MECOM: variants seen among roughly 807,000 people sequenced by gnomAD.
MECOM encodes histone-lysine N-methyltransferase MECOM.
A neutral mutation model predicts 116.3 loss-of-function variants in MECOM; 13 were observed. The observed-to-expected ratio is 0.11, with a 90% CI of 0.07 to 0.18. MECOM has a LOEUF of 0.18. MECOM is among the 10% of genes least tolerant of loss of function. The pLI is 1.00. For missense variants in MECOM, 1,299 were observed against 1,509.0 expected (o/e 0.86, Z 2.31); for synonymous variants, 528 against 535.2 (o/e 0.99, Z 0.19).
At chr3:169,576,944 C>G (rs1245633015) in intron 1 of MECOM, among the ~76,000 whole-genome samples, 3 of 151,964 alleles carry the variant, frequency 2.0e-5, no homozygotes, top group African/African-American at 7.3e-5. Context: ...GTAGACATAG[C>G]ACTGGCCGGG....
intron 2 of MECOM, among the ~76,000 whole-genome samples, chr3:169,248,730 G>A (rs1470328585): frequency 6.6e-6 from 1 of 152,138 alleles, no homozygotes; most frequent in East Asian, 1.9e-4. Flanking sequence ...CTTCTAAGAA[G>A]AGAAATGTTG....
chr3:169,535,276 G>A (rs1759210300), intron 1 of MECOM, among the ~76,000 whole-genome samples: 1 of 152,034 alleles, frequency 6.6e-6, no homozygotes, highest in African/African-American at 2.4e-5. Context: ...CAATCCTCTT[G>A]ACCAGAAACA....
intron 1 of MECOM, among the ~76,000 whole-genome samples, chr3:169,589,965 A>G (rs1766211994): frequency 6.6e-6 from 1 of 152,204 alleles, no homozygotes; most frequent in South Asian, 2.1e-4. Flanking sequence ...AAATTCAGGC[A>G]TTCTGTCTTC....
intron 2 of MECOM, among the ~76,000 whole-genome samples, chr3:169,203,012 T>A (rs1000048344): frequency 1.3e-5 from 2 of 152,096 alleles, no homozygotes; most frequent in African/African-American, 2.4e-5. Flanking sequence ...AACATAGCCA[T>A]CATCCTGCCA....
chr3:169,229,008 T>C (rs1160459094), intron 2 of MECOM, among the ~76,000 whole-genome samples: 1 of 152,190 alleles, frequency 6.6e-6, no homozygotes, highest in Admixed American at 6.5e-5. Flanking sequence ...AAACACTTGA[T>C]AAAATAATGC....
chr3:169,393,517 CT>C (rs1197262021), intron 1 of MECOM, among the ~76,000 whole-genome samples: 1 of 152,056 alleles, frequency 6.6e-6, no homozygotes, highest in Non-Finnish European at 1.5e-5. Context: ...CATCAAGGTG[CT>C]TTGTAAAAAA....
intron 1 of MECOM, among the ~76,000 whole-genome samples, chr3:169,518,544 C>CAT (rs1329356380): frequency 6.6e-6 from 1 of 152,130 alleles, no homozygotes; most frequent in Non-Finnish European, 1.5e-5. Context: ...TTCAAAGCTT[C>CAT]ATATATATAA....
At chr3:169,594,159 A>AG (rs1766804484) in intron 1 of MECOM, among the ~76,000 whole-genome samples, 1 of 140,750 alleles carries the variant, frequency 7.1e-6, no homozygotes. Context: ...CACCACAAAA[A>AG]AAAAAAAAAA....
In MECOM at chr3:169,107,921, C is replaced by T. The variant is rs1198709303; in HGVS notation, c.2604+5G>A. The T allele has an allele frequency of 6.2e-7, 1 of 1,611,666 alleles. No homozygotes were observed. The highest frequency in any genetic ancestry group is 1.1e-5 in the South Asian group (1 of 90,508). ...TTTAGTCAAAAATATAAGTAGGAAA[C>T]TTACCCAAGTTCTCTGATCAGGCAG... On this transcript the variant is annotated splice_donor_5th_base_variant and intron_variant, in intron 10 of 16. Coordinates refer to ENST00000651503, the MANE Select transcript of MECOM (RefSeq NM_004991.4).
rs113303770 is a variant in MECOM, at chr3:169,471,763, C to T, written c.38-90239G>A. 5.6e-3 allele frequency among the ~76,000 whole-genome samples: 858 copies of T among 152,318 alleles called. 12 individuals are homozygous for T. The highest frequency in any genetic ancestry group is 0.02 in the African/African-American group (833 of 41,574). On this transcript the variant is annotated intron_variant, in intron 1 of 16. Coordinates refer to ENST00000651503, the MANE Select transcript of MECOM (RefSeq NM_004991.4). Reference sequence around the variant, plus strand: ...TGTATAATTTTGGAGGCAAACAAAGCACTTCCATGTCGTTTCCCTCTTCTG... The same window carrying T: ...TGTATAATTTTGGAGGCAAACAAAGTACTTCCATGTCGTTTCCCTCTTCTG...
chr3:169,551,777 T>G (rs1761431441), intron 1 of MECOM, among the ~76,000 whole-genome samples: 2 of 152,164 alleles, frequency 1.3e-5, no homozygotes, highest in Non-Finnish European at 2.9e-5. Flanking sequence ...CACTATTATT[T>G]ATAATAGCTA....
chr3:169,662,643 C>A lies in MECOM; in HGVS notation c.37+693G>T, dbSNP rs547012423. Among the ~76,000 whole-genome samples, 4 of 150,896 alleles carry A rather than the reference C, an allele frequency of 2.7e-5. No individual in the cohort carries two copies. In the East Asian group the frequency reaches 6.0e-4, roughly 23 times the overall value. The stretch of plus-strand genomic sequence containing the variant: ...ACTCCCCGCCGCAGTCCTCCCGCCG[C>A]GCAGCGCCGCGCCGGAGAGCATGGC... On this transcript the variant is annotated intron_variant, in intron 1 of 16. Transcript: ENST00000651503.
At chr3:169,312,431 C>G (rs905089589) in intron 2 of MECOM, among the ~76,000 whole-genome samples, 2 of 144,710 alleles carry the variant, frequency 1.4e-5, no homozygotes, top group South Asian at 4.3e-4. Context: ...TGCAGTGGCG[C>G]GATCTCGGCT....
At chr3:169,219,232 C>T (rs1043975729) in intron 2 of MECOM, among the ~76,000 whole-genome samples, 6 of 152,156 alleles carry the variant, frequency 3.9e-5, no homozygotes, top group African/African-American at 1.2e-4. Flanking sequence ...ATAGGCCAGG[C>T]GCGGTGGCTC....
At chr3:169,405,758 T>G (rs866517602) in intron 1 of MECOM, among the ~76,000 whole-genome samples, 57 of 152,234 alleles carry the variant, frequency 3.7e-4, no homozygotes, top group African/African-American at 1.4e-3. Flanking sequence ...CCTCTTGAAC[T>G]CTTAAAATCT....
intron 8 of MECOM, among the ~76,000 whole-genome samples, chr3:169,113,701 T>C (rs970225380): frequency 1.3e-5 from 2 of 152,114 alleles, no homozygotes; most frequent in African/African-American, 4.8e-5. Flanking sequence ...ACCAACTTGG[T>C]AATTAAAAAA....
intron 1 of MECOM, among the ~76,000 whole-genome samples, chr3:169,590,384 G>C (rs917121582): frequency 6.6e-6 from 1 of 152,176 alleles, no homozygotes; most frequent in Admixed American, 6.5e-5. Context: ...CTTAGAATCA[G>C]AGTGCCCACA....
intron 2 of MECOM, among the ~76,000 whole-genome samples, chr3:169,370,120 G>C (rs1243365179): frequency 6.6e-6 from 1 of 151,876 alleles, no homozygotes; most frequent in African/African-American, 2.4e-5. Flanking sequence ...AAGGGTCCTA[G>C]GGGAGAAATA....
In MECOM at chr3:169,107,950, G is replaced by A. The variant is rs199555172; in HGVS notation, c.2580C>T (p.Phe860=). ...CCCAAGTTCTCTGATCAGGCAGTTG[G>A]AACTGGGAGCAAAATTGAAACAAAA... ...PSPGFLFHPQ[F]QLPDQRTWMS... The change falls in exon 10 of 17, where the codon TTC becomes TTT. Residue 860 remains phenylalanine, a splice_region_variant and synonymous_variant. Coordinates refer to ENST00000651503, the MANE Select transcript of MECOM (RefSeq NM_004991.4). 8.0e-5 allele frequency: 129 copies of A among 1,612,602 alleles called. No homozygotes were observed. In the East Asian group the frequency reaches 1.1e-3, roughly 14 times the overall value.
Sources: allele counts gnomAD v4.1 joint callset (sites outside exome capture counted in the v4.1 genomes callset), GRCh38; gene constraint gnomAD v4.1.1; transcripts MANE v1.5; gene names NCBI Gene and HGNC (gene_info 2026-07-23, HGNC 2026-07-21).